EYS: variants seen among roughly 807,000 people sequenced by gnomAD.
EYS encodes protein eyes shut homolog.
EYS carries 250 observed loss-of-function variants against 282.1 expected under a neutral mutation model. That is an observed-to-expected ratio of 0.89 (90% CI 0.80 to 0.98). The LOEUF is 0.98. Among genes scored for constraint, EYS ranks in the 50% least tolerant of loss-of-function variants. EYS has a pLI of 0.00. For synonymous variants in EYS, 1,355 were observed against 1,282.9 expected (o/e 1.06, Z -1.20); for missense variants, 4,016 against 3,709.0 (o/e 1.08, Z -2.15).
intron 11 of EYS, among the ~76,000 whole-genome samples, chr6:65,317,659 C>T (rs1231105537): frequency 6.6e-6 from 1 of 152,072 alleles, no homozygotes; most frequent in African/African-American, 2.4e-5. Context: ...GCTTTTCTTC[C>T]TGGGCTGCCA....
At chr6:63,923,688 G>A (rs897774617) in intron 35 of EYS, among the ~76,000 whole-genome samples, 8 of 152,162 alleles carry the variant, frequency 5.3e-5, no homozygotes, top group Non-Finnish European at 1.0e-4. Flanking sequence ...CCCAGGTACT[G>A]AGCATAGTAC....
At chr6:63,837,328 AT>A (rs149589506) in intron 36 of EYS, among the ~76,000 whole-genome samples, 1,980 of 151,326 alleles carry the variant, frequency 0.013, 34 homozygotes, top group African/African-American at 0.045. Context: ...TTTGTTACGG[AT>A]TTTTTTTTCT....
intron 2 of EYS, among the ~76,000 whole-genome samples, chr6:65,518,111 G>A (rs1224231279): frequency 1.3e-5 from 2 of 152,020 alleles, no homozygotes; most frequent in Non-Finnish European, 2.9e-5. Context: ...TGAAGAAACT[G>A]AGTCTCAGAA....
chr6:65,525,075 T>C (rs1767506921), intron 2 of EYS, among the ~76,000 whole-genome samples: 1 of 152,080 alleles, frequency 6.6e-6, no homozygotes, highest in African/African-American at 2.4e-5. Context: ...TTTTCAATTT[T>C]ACTTTAAGTT....
chr6:64,697,212 A>G (rs1463881618), intron 22 of EYS, among the ~76,000 whole-genome samples: 3 of 152,212 alleles, frequency 2.0e-5, no homozygotes, highest in African/African-American at 7.2e-5. Context: ...GAGCAGTAGA[A>G]AAAGAGATTC....
intron 35 of EYS, among the ~76,000 whole-genome samples, chr6:63,939,415 G>A (rs902380979): frequency 1.3e-5 from 2 of 152,064 alleles, no homozygotes; most frequent in African/African-American, 4.8e-5. Context: ...AACGGGGTTG[G>A]GAAAGTGTTT....
In EYS at chr6:64,169,431, G is replaced by GTTTTTTTTTTTTTTTTTTTTTTTTT. The variant is rs35657029; in HGVS notation, c.6424+61160_6424+61161insAAAAAAAAAAAAAAAAAAAAAAAAA. ...ACATACTCAAACAATTTGAGGAGGA[G>GTTTTTTTTTTTTTTTTTTTTTTTTT]TTTTTTTTTTTTTTTTACAAAAAGG... On this transcript the variant is annotated intron_variant, in intron 31 of 42. Transcript: ENST00000503581. Among the ~76,000 whole-genome samples, 198 of 140,956 alleles carry GTTTTTTTTTTTTTTTTTTTTTTTTT rather than the reference G, an allele frequency of 1.4e-3. 8 individuals are homozygous for GTTTTTTTTTTTTTTTTTTTTTTTTT. The highest frequency in any genetic ancestry group is 4.9e-3 in the African/African-American group (179 of 36,396). 92.5% of individuals were successfully genotyped at this position (140,956 alleles called of 152,430 possible).
At chr6:65,275,321 G>T (rs1768016935) in intron 12 of EYS, among the ~76,000 whole-genome samples, 1 of 152,154 alleles carries the variant, frequency 6.6e-6, no homozygotes, top group Non-Finnish European at 1.5e-5. Context: ...TCAACCATGT[G>T]ACCTGAGTTT....
At chr6:65,026,492 T>A (rs963741495) in intron 13 of EYS, among the ~76,000 whole-genome samples, 1 of 152,144 alleles carries the variant, frequency 6.6e-6, no homozygotes. Flanking sequence ...TATGCACAGA[T>A]GAATGGGCTA....
chr6:64,361,686 T>C (rs77989009), intron 29 of EYS, among the ~76,000 whole-genome samples: 4,732 of 151,828 alleles, frequency 0.031, 234 homozygotes, highest in African/African-American at 0.11. Context: ...CCTTTAACAA[T>C]TGCATTTTTT....
chr6:63,876,086 C>T (rs1772961817), intron 35 of EYS, among the ~76,000 whole-genome samples: 1 of 152,164 alleles, frequency 6.6e-6, no homozygotes, highest in South Asian at 2.1e-4. Context: ...TTAGATCTTT[C>T]CTGCTTTCTC....
intron 22 of EYS, among the ~76,000 whole-genome samples, chr6:64,641,453 A>G (rs569753963): frequency 5.0e-4 from 76 of 152,264 alleles, no homozygotes; most frequent in African/African-American, 1.8e-3. Flanking sequence ...CCAACTTTAC[A>G]TGGTACAGAT....
At chr6:65,357,379 G>A (rs559207465) in intron 8 of EYS, among the ~76,000 whole-genome samples, 13 of 151,890 alleles carry the variant, frequency 8.6e-5, no homozygotes, top group South Asian at 4.2e-4. Context: ...CTTGTCCATC[G>A]TCTATAATAC....
chr6:64,852,495 T>G (rs1765916839), intron 19 of EYS, among the ~76,000 whole-genome samples: 2 of 152,122 alleles, frequency 1.3e-5, no homozygotes, highest in Admixed American at 1.3e-4. Flanking sequence ...TGTGGGACAT[T>G]GTGATCTTGT....
chr6:64,794,267 GC>G (rs1162717277), intron 22 of EYS, among the ~76,000 whole-genome samples: 1 of 152,160 alleles, frequency 6.6e-6, no homozygotes, highest in Non-Finnish European at 1.5e-5. Flanking sequence ...ATTCATAATA[GC>G]CTAGCTGTGG....
chr6:65,680,228 C>A (rs1484463478), intron 1 of EYS, among the ~76,000 whole-genome samples: 7 of 151,784 alleles, frequency 4.6e-5, no homozygotes, highest in Admixed American at 2.6e-4. Context: ...TCTTACTGAT[C>A]ACACTTGATA....
chr6:64,529,102 T>C lies in EYS; in HGVS notation c.5644+61121A>G, dbSNP rs1227868893. 2.0e-5 allele frequency among the ~76,000 whole-genome samples: 3 copies of C among 152,020 alleles called. No individual in the cohort carries two copies. The South Asian group carries it at 6.2e-4, about 32-fold the overall frequency. ...CAGAACCAGTGTTCCCTAGGGCACATTTTGGAAAACTTAGGTCAGGATTAA... is the reference window on the plus strand; with the variant it reads ...CAGAACCAGTGTTCCCTAGGGCACACTTTGGAAAACTTAGGTCAGGATTAA... On this transcript the variant is annotated intron_variant, in intron 26 of 42. Coordinates refer to ENST00000503581, the MANE Select transcript of EYS (RefSeq NM_001142800.2).
At chr6:63,852,511 G>A (rs1227622749) in intron 36 of EYS, among the ~76,000 whole-genome samples, 2 of 152,028 alleles carry the variant, frequency 1.3e-5, no homozygotes, top group Non-Finnish European at 2.9e-5. Flanking sequence ...ACCAAAAAAA[G>A]CCCAGGACCA....
intron 7 of EYS, among the ~76,000 whole-genome samples, chr6:65,390,372 G>C (rs906750041): frequency 3.3e-5 from 5 of 151,290 alleles, no homozygotes; most frequent in African/African-American, 1.2e-4. Context: ...GGGGGAGGGG[G>C]AGAGAGAGTC....
Sources: gnomAD v4.1 joint callset for allele counts (sites outside exome capture counted in the v4.1 genomes callset) on GRCh38, gnomAD v4.1.1 for gene constraint, MANE v1.5 for transcripts, NCBI Gene and HGNC (gene_info 2026-07-23, HGNC 2026-07-21) for gene names.